INSR: variants seen among roughly 807,000 people sequenced by gnomAD.
INSR encodes the protein insulin receptor.
Under a neutral mutation model 142.6 loss-of-function variants are expected in INSR, and 67 were observed. That is an observed-to-expected ratio of 0.47 (90% confidence interval 0.39 to 0.58). The LOEUF (loss-of-function observed/expected upper bound fraction) is 0.58, where lower values mean the gene tolerates loss of function less well. Ranked by LOEUF, INSR falls within the 20% of genes least tolerant of loss-of-function variation. The pLI is 0.00. For synonymous variants in INSR, 756 were observed against 743.1 expected (o/e 1.02, Z -0.28); for missense variants, 1,248 against 1,833.2 (o/e 0.68, Z 5.83).
In INSR at chr19:7,251,789, G is replaced by A. The variant is rs1290008701; in HGVS notation, c.652+15556C>T. Among the ~76,000 whole-genome samples, 5 of 151,982 alleles carry A rather than the reference G, an allele frequency of 3.3e-5. No individual in the cohort carries two copies. In the East Asian group the frequency reaches 7.7e-4, roughly 23 times the overall value. On this transcript the variant is annotated intron_variant, in intron 2 of 21. Coordinates refer to ENST00000302850, the MANE Select transcript of INSR (RefSeq NM_000208.4). ...AGTTAGGGATTATATGAGTGTTGAC[G>A]TTAGAGTGAACCATTAGGCTATTCA...
At position 7,119,702 on chromosome 19, in the gene INSR, A is replaced by G; in HGVS notation, c.3660-119T>C. ...CACGCAAACACACATGCCAACACAT[A>G]CATGCAAACACACACATGCAAACAC... On this transcript the variant is annotated intron_variant, in intron 20 of 21. Coordinates refer to ENST00000302850, the MANE Select transcript of INSR (RefSeq NM_000208.4). The surrounding 1 kb of genome is among the most constrained non-coding windows in gnomAD (Gnocchi z 5.2). 9.1e-7 allele frequency: 1 copy of G among 1,099,924 alleles called. No homozygotes were observed. The highest frequency in any genetic ancestry group is 1.8e-5 in the Admixed American group (1 of 54,272). 68.1% of individuals were successfully genotyped at this position (1,099,924 alleles called of 1,614,324 possible).
At chr19:7,243,154 C>T (rs1976413034) in intron 2 of INSR, among the ~76,000 whole-genome samples, 1 of 144,024 alleles carries the variant, frequency 6.9e-6, no homozygotes, top group South Asian at 2.2e-4. Flanking sequence ...CACAGCCCTA[C>T]AAAAATAAAG....
At chr19:7,226,481 T>C (rs4804421) in intron 2 of INSR, among the ~76,000 whole-genome samples, 141,089 of 147,700 alleles carry the variant, frequency 0.96, 67,548 homozygotes, top group Non-Finnish European at 0.99. Context: ...ATCCCAGCAA[T>C]TTGGGAGGCC....
At chr19:7,151,812 A>T (rs1033435958) in intron 10 of INSR, among the ~76,000 whole-genome samples, 1 of 151,932 alleles carries the variant, frequency 6.6e-6, no homozygotes, top group Non-Finnish European at 1.5e-5. Context: ...TTTTTTTTAG[A>T]GACAGGGTCT....
chr19:7,150,375 C>T lies in INSR; in HGVS notation c.2267+122G>A. 1 of 831,322 alleles carries T rather than the reference C, an allele frequency of 1.2e-6. No individual in the cohort carries two copies. The highest frequency in any genetic ancestry group is 1.4e-5 in the South Asian group (1 of 70,438). The allele number at this position is 831,322 out of a possible 1,614,324, so 51.5% of individuals were successfully genotyped here. ...CTGAATTGGTGAAGCATCTGCTCTC[C>T]AGCACAGCTGCCCGCCGCATGCAAA... On this transcript the variant is annotated intron_variant, in intron 11 of 21. Transcript: ENST00000302850. This position sits in a 1 kb window ranked among gnomAD's most constrained non-coding sequence, Gnocchi z 4.2.
rs1406006569 is a variant in INSR, at chr19:7,230,819, A to AT, written c.652+36525_652+36526insA. On this transcript the variant is annotated intron_variant, in intron 2 of 21. Transcript: ENST00000302850. Reference sequence around the variant, plus strand: ...AGACTCCATCTCAAAAATAAAAAAAAAATAAAAAATATTAGCTCAAGGCCT... The same window carrying AT: ...AGACTCCATCTCAAAAATAAAAAAAATAATAAAAAATATTAGCTCAAGGCCT... 4.0e-5 allele frequency among the ~76,000 whole-genome samples: 6 copies of AT among 151,424 alleles called. No individual in the cohort carries two copies. The East Asian group carries it at 5.8e-4, about 15-fold the overall frequency.
chr19:7,112,706 G>C lies in INSR; in HGVS notation c.*4350C>G, dbSNP rs538361829. The C allele has an allele frequency of 6.6e-6, 1 of 152,134 alleles. No homozygotes were observed. The highest frequency in any genetic ancestry group is 6.5e-5 in the Admixed American group (1 of 15,288). 9.4% of individuals were successfully genotyped at this position (152,134 alleles called of 1,614,324 possible). On this transcript the variant is annotated 3_prime_UTR_variant, in exon 22 of 22. Transcript: ENST00000302850. ...CCAGATAGAAATTTGGCTGGTGGCT[G>C]GTTCTGGACCTTGACTAGTATCAGA...
At chr19:7,286,127 TC>T (rs1364450622) in intron 1 of INSR, among the ~76,000 whole-genome samples, 1 of 146,466 alleles carries the variant, frequency 6.8e-6, no homozygotes, top group African/African-American at 2.5e-5. Flanking sequence ...CCACAGGTGC[TC>T]ACCACTGTAT....
At chr19:7,201,808 G>C (rs1568483617) in intron 2 of INSR, among the ~76,000 whole-genome samples, 20 of 147,694 alleles carry the variant, frequency 1.4e-4, no homozygotes, top group African/African-American at 3.3e-4. Context: ...GACTACAGGC[G>C]CGGCCACCAC....
rs1342874484 is a variant in INSR at position 7,116,777 on chromosome 19, G to GA, written c.*278dup. The GA allele has an allele frequency of 1.0e-5, 3 of 300,196 alleles. No individual in the cohort carries two copies. The highest frequency in any genetic ancestry group is 2.2e-4 in the South Asian group (2 of 9,110). 18.6% of individuals were successfully genotyped at this position (300,196 alleles called of 1,614,324 possible). On this transcript the variant is annotated 3_prime_UTR_variant, in exon 22 of 22. Coordinates refer to ENST00000302850, the MANE Select transcript of INSR (RefSeq NM_000208.4). Reference sequence around the variant, plus strand: ...TCTGCTGGGGGCGGGTGGGGGGAACGAAAAAACACAAAATCCTGGTTTGAA... The same window carrying GA: ...TCTGCTGGGGGCGGGTGGGGGGAACGAAAAAAACACAAAATCCTGGTTTGAA...
Position 7,139,865 on chromosome 19 carries a change from C to G in INSR, c.2682+1812G>C, listed in dbSNP as rs541079019. 3.6e-5 allele frequency among the ~76,000 whole-genome samples: 5 copies of G among 139,548 alleles called. 1 individual carries two copies. The South Asian group carries it at 1.1e-3, about 31-fold the overall frequency. The allele number at this position is 139,548 out of a possible 152,430, so 91.5% of individuals were successfully genotyped here. A position where few individuals can be genotyped will look rare whatever the true frequency, so the allele number is the denominator to read the frequency against. On this transcript the variant is annotated intron_variant, in intron 13 of 21. Transcript: ENST00000302850. ...TTGAGACAGAGTCTTGTTCTGTCGC[C>G]CAGGCTGGAGTGCAGTGGCACGATC...
chr19:7,222,796 G>A (rs541198474), intron 2 of INSR, among the ~76,000 whole-genome samples: 1 of 152,250 alleles, frequency 6.6e-6, no homozygotes, highest in South Asian at 2.1e-4. Context: ...CGCTTCCTTA[G>A]AGGAAGCTAT....
At chr19:7,223,440 C>G (rs979594782) in intron 2 of INSR, among the ~76,000 whole-genome samples, 1 of 152,102 alleles carries the variant, frequency 6.6e-6, no homozygotes, top group Non-Finnish European at 1.5e-5. Flanking sequence ...TGGGGTGAAA[C>G]GCAGGGTTAC....
At chr19:7,217,146 T>C (rs1975460719) in intron 2 of INSR, among the ~76,000 whole-genome samples, 1 of 151,922 alleles carries the variant, frequency 6.6e-6, no homozygotes, top group Non-Finnish European at 1.5e-5. Flanking sequence ...TTTCTTACAG[T>C]TTTGGTGGTG....
In INSR at chr19:7,267,877, G is replaced by A. The variant is rs374221072; in HGVS notation, c.120C>T (p.Ile40=). The change falls in exon 2 of 22, where the codon ATC becomes ATT. Residue 40 remains isoleucine, a synonymous_variant. Coordinates refer to ENST00000302850, the MANE Select transcript of INSR (RefSeq NM_000208.4). This position sits in a 1 kb window ranked among gnomAD's most constrained non-coding sequence, Gnocchi z 6.3. The part of the protein sequence containing the change: ...YPGEVCPGMD[I]RNNLTRLHEL... Reference sequence around the variant, plus strand: ...CATGCAACCTAGTGAGGTTGTTCCGGATATCCATGCCGGGACACACTACAA... The same window carrying A: ...CATGCAACCTAGTGAGGTTGTTCCGAATATCCATGCCGGGACACACTACAA... 17 of 1,613,720 alleles carry A rather than the reference G, an allele frequency of 1.1e-5. No homozygotes were observed. The African/African-American group carries it at 1.9e-4, about 18-fold the overall frequency.
intron 2 of INSR, among the ~76,000 whole-genome samples, chr19:7,217,231 A>G (rs772751242): frequency 2.9e-4 from 44 of 152,116 alleles, no homozygotes; most frequent in Non-Finnish European, 1.5e-4. Flanking sequence ...GGCTCCAGAG[A>G]GAATCCAGCT....
intron 2 of INSR, among the ~76,000 whole-genome samples, chr19:7,218,707 ATT>A (rs1364193811): frequency 3.9e-5 from 6 of 151,938 alleles, no homozygotes; most frequent in African/African-American, 1.5e-4. Context: ...CATCTGGTTA[ATT>A]TTTTGTATAT....
In INSR at chr19:7,115,042, G is replaced by A. The variant is rs556567528; in HGVS notation, c.*2014C>T. 7 of 152,014 alleles carry A rather than the reference G, an allele frequency of 4.6e-5. No homozygotes were observed. Among genetic ancestry groups the A allele is most frequent in the South Asian group, 2.1e-4 (1 of 4,822 alleles). The allele number at this position is 152,014 out of a possible 1,614,324, so 9.4% of individuals were successfully genotyped here. A position where few individuals can be genotyped will look rare whatever the true frequency, so the allele number is the denominator to read the frequency against. ...ATATTTTTACATGCTGTATTTTCCCGAATCATATAAATAAGATAGCAATAG... is the reference window on the plus strand; with the variant it reads ...ATATTTTTACATGCTGTATTTTCCCAAATCATATAAATAAGATAGCAATAG... On this transcript the variant is annotated 3_prime_UTR_variant, in exon 22 of 22. Transcript: ENST00000302850.
chr19:7,198,366 C>T (rs10413831), intron 2 of INSR, among the ~76,000 whole-genome samples: 34,487 of 151,972 alleles, frequency 0.23, 3,953 homozygotes, highest in African/African-American at 0.24. Context: ...GAGGGCCCCT[C>T]GTGGCTGCAG....
Sources: gnomAD v4.1 joint callset for allele counts (sites outside exome capture counted in the v4.1 genomes callset) on GRCh38, gnomAD v4.1.1 for gene constraint, Gnocchi (gnomAD v3.1) non-coding constraint, MANE v1.5 for transcripts, NCBI Gene and HGNC (gene_info 2026-07-23, HGNC 2026-07-21) for gene names.